The following NBEA variants were observed in gnomAD, a reference collection of about 807,000 sequenced individuals.
NBEA encodes the protein neurobeachin, also known as lysosomal-trafficking regulator 2.
NBEA carries 44 observed loss-of-function variants against 343.4 expected under a neutral mutation model. The ratio of observed to expected loss-of-function variants is 0.13; its 90% CI spans 0.10 to 0.16. The LOEUF (loss-of-function observed/expected upper bound fraction) is 0.16. Ranked by LOEUF, NBEA falls within the 10% of genes least tolerant of loss-of-function variation. The pLI is 1.00. For missense variants in NBEA, 2,555 were observed against 3,631.3 expected, an observed-to-expected ratio of 0.70 and a Z score of 7.62; for synonymous variants, 1,175 against 1,238.7, an observed-to-expected ratio of 0.95 and a Z score of 1.08.
chr13:35,117,710 A>G (rs1437705011), intron 14 of NBEA, among the ~76,000 whole-genome samples: 1 of 152,020 alleles, frequency 6.6e-6, no homozygotes, highest in African/African-American at 2.4e-5. Flanking sequence ...AGAAATGGAC[A>G]AGGAACATAT....
intron 41 of NBEA, among the ~76,000 whole-genome samples, chr13:35,499,053 AAC>A (rs1225606100): frequency 6.6e-6 from 1 of 152,104 alleles, no homozygotes; most frequent in Admixed American, 6.6e-5. Context: ...TTAAGAAGAA[AAC>A]AGTCTTGCTA....
chr13:35,415,351 G>A (rs572348808), intron 38 of NBEA, among the ~76,000 whole-genome samples: 17 of 152,216 alleles, frequency 1.1e-4, no homozygotes, highest in African/African-American at 4.1e-4. Flanking sequence ...TTCTTCTGGG[G>A]TTTTTATGGT....
At chr13:35,066,020 G>A (rs531552867) in intron 8 of NBEA, among the ~76,000 whole-genome samples, 1 of 152,182 alleles carries the variant, frequency 6.6e-6, no homozygotes, top group Non-Finnish European at 1.5e-5. Flanking sequence ...GGAGTGCAGT[G>A]GTGCAGTCCT....
At chr13:35,210,344 T>C (rs887213870) in intron 32 of NBEA, among the ~76,000 whole-genome samples, 1 of 152,042 alleles carries the variant, frequency 6.6e-6, no homozygotes, top group Non-Finnish European at 1.5e-5. Context: ...CTGGGCATAC[T>C]GTTCATTTCA....
intron 33 of NBEA, among the ~76,000 whole-genome samples, chr13:35,218,977 A>G (rs1437392511): frequency 6.6e-6 from 1 of 152,050 alleles, no homozygotes; most frequent in East Asian, 1.9e-4. Flanking sequence ...TTCTTTTAGG[A>G]AAGTTTCTTA....
rs550665 is a variant in NBEA, at chr13:35,628,743, C to T, written c.7617+495C>T. Among the ~76,000 whole-genome samples the T allele has an allele frequency of 9.2e-3, 1,404 of 152,098 alleles. 22 individuals are homozygous for T. The highest frequency in any genetic ancestry group is 0.031 in the African/African-American group (1,276 of 41,474). On this transcript the variant is annotated intron_variant, in intron 49 of 58. Coordinates refer to ENST00000379939, the MANE Select transcript of NBEA (RefSeq NM_001385012.1). ...GACCAGCCTGGCCAATATGCTGAAA[C>T]CCCATCTCTACAAAAAATACAAAAA...
intron 1 of NBEA, among the ~76,000 whole-genome samples, chr13:35,039,543 T>TA (rs1326770332): frequency 2.0e-5 from 3 of 152,152 alleles, no homozygotes; most frequent in African/African-American, 7.2e-5. Flanking sequence ...CTGAGTCTCT[T>TA]ACCCATTTTG....
At chr13:35,609,971 G>A (rs1444778944) in intron 48 of NBEA, among the ~76,000 whole-genome samples, 2 of 152,156 alleles carry the variant, frequency 1.3e-5, no homozygotes, top group African/African-American at 4.8e-5. Flanking sequence ...TTAGGAGTAC[G>A]TCTGCACTGA....
chr13:35,362,449 A>C (rs2040861556), intron 38 of NBEA, among the ~76,000 whole-genome samples: 1 of 151,960 alleles, frequency 6.6e-6, no homozygotes, highest in Admixed American at 6.6e-5. Flanking sequence ...TTTTCCCAGC[A>C]ATTTTTATAT....
At chr13:35,375,256 T>C (rs2041672458) in intron 38 of NBEA, among the ~76,000 whole-genome samples, 1 of 152,126 alleles carries the variant, frequency 6.6e-6, no homozygotes, top group Non-Finnish European at 1.5e-5. Flanking sequence ...TAGACATTCA[T>C]TTCTTTTGGT....
intron 46 of NBEA, among the ~76,000 whole-genome samples, chr13:35,591,515 A>G (rs2081540464): frequency 1.3e-5 from 2 of 152,010 alleles, no homozygotes; most frequent in African/African-American, 4.8e-5. Context: ...TGCATATCTG[A>G]TTTTCAGGTG....
intron 36 of NBEA, among the ~76,000 whole-genome samples, chr13:35,325,146 T>A (rs1163028560): frequency 6.6e-6 from 1 of 151,976 alleles, no homozygotes; most frequent in Non-Finnish European, 1.5e-5. Flanking sequence ...ATTTTACATA[T>A]TTTTCTTTTT....
chr13:35,004,201 C>T (rs548137780), intron 1 of NBEA, among the ~76,000 whole-genome samples: 1 of 152,180 alleles, frequency 6.6e-6, no homozygotes, highest in South Asian at 2.1e-4. Flanking sequence ...TGGGTTGATT[C>T]CATGTCTTTG....
chr13:35,158,767 T>G (rs1179927089), intron 21 of NBEA, among the ~76,000 whole-genome samples: 1 of 152,118 alleles, frequency 6.6e-6, no homozygotes, highest in Non-Finnish European at 1.5e-5. Flanking sequence ...GAAAATAGCT[T>G]TTAATATTGC....
At chr13:35,500,096 A>G (rs1175623519) in intron 41 of NBEA, among the ~76,000 whole-genome samples, 1 of 152,132 alleles carries the variant, frequency 6.6e-6, no homozygotes, top group Non-Finnish European at 1.5e-5. Flanking sequence ...CCTGTTTAAA[A>G]AAAGGCAATT....
chr13:35,482,789 T>C (rs1201304668), intron 41 of NBEA, among the ~76,000 whole-genome samples: 1 of 151,862 alleles, frequency 6.6e-6, no homozygotes, highest in East Asian at 1.9e-4. Flanking sequence ...TCCATATGAT[T>C]GTGCCATTCT....
intron 39 of NBEA, among the ~76,000 whole-genome samples, chr13:35,447,030 G>A (rs2046085224): frequency 6.6e-6 from 1 of 151,980 alleles, no homozygotes; most frequent in African/African-American, 2.4e-5. Flanking sequence ...TATTAGTATA[G>A]ATGTTTTAGA....
chr13:35,432,464 T>A, intron 39 of NBEA, 71 bp downstream of exon 39: 2 of 1,367,526 alleles, frequency 1.5e-6, no homozygotes, highest in Non-Finnish European at 1.9e-6. Context: ...GAGAATTCCT[T>A]CTTTTTTTTT....
intron 1 of NBEA, among the ~76,000 whole-genome samples, chr13:35,033,380 C>T (rs142404677): frequency 7.3e-4 from 111 of 152,004 alleles, no homozygotes; most frequent in African/African-American, 2.4e-3. Context: ...GTTTTTATGC[C>T]AGTACCATGC....
Sources: gnomAD v4.1 joint callset for allele counts (sites outside exome capture counted in the v4.1 genomes callset) on GRCh38, gnomAD v4.1.1 for gene constraint, MANE v1.5 for transcripts, NCBI Gene and HGNC (gene_info 2026-07-23, HGNC 2026-07-21) for gene names.